DIS3L2: variants seen among roughly 807,000 people sequenced by gnomAD.
DIS3L2 encodes DIS3 like 3'-5' exoribonuclease 2.
DIS3L2 carries 34 observed loss-of-function variants against 97.5 expected under a neutral mutation model. The ratio of observed to expected loss-of-function variants is 0.35; its 90% CI spans 0.27 to 0.46. The LOEUF (loss-of-function observed/expected upper bound fraction) is 0.46. DIS3L2 is among the 20% of genes least tolerant of loss of function. The probability of loss-of-function intolerance (pLI) is 1.00; values close to 1 mark genes in which losing one functional copy is unlikely to be tolerated. For missense variants in DIS3L2, 1,038 were observed against 1,146.0 expected (o/e 0.91, Z 1.36); for synonymous variants, 435 against 445.2 (o/e 0.98, Z 0.29).
At chr2:232,081,306 C>G (rs1696386053) in intron 5 of DIS3L2, among the ~76,000 whole-genome samples, 1 of 152,082 alleles carries the variant, frequency 6.6e-6, no homozygotes, top group Non-Finnish European at 1.5e-5. Flanking sequence ...AAACTCTGGT[C>G]CACCCATTAT....
chr2:232,291,059 G>A (rs913015161), intron 13 of DIS3L2, among the ~76,000 whole-genome samples: 2 of 152,156 alleles, frequency 1.3e-5, no homozygotes, highest in East Asian at 3.8e-4. Flanking sequence ...GGGGTGGGGA[G>A]GAAAATCCTG....
chr2:232,010,540 A>C (rs1212798887), intron 1 of DIS3L2, among the ~76,000 whole-genome samples: 2 of 151,396 alleles, frequency 1.3e-5, no homozygotes, highest in Non-Finnish European at 2.9e-5. Context: ...TTTCTTAATC[A>C]ATAGTCATCT....
chr2:232,305,223 G>A (rs1006172444), intron 14 of DIS3L2, among the ~76,000 whole-genome samples: 20 of 151,924 alleles, frequency 1.3e-4, no homozygotes, highest in African/African-American at 4.1e-4. Context: ...TTACAGGCGC[G>A]CACCACCACG....
intron 9 of DIS3L2, among the ~76,000 whole-genome samples, chr2:232,177,362 A>G (rs1404555205): frequency 6.9e-5 from 9 of 130,848 alleles, no homozygotes; most frequent in African/African-American, 2.1e-4. Context: ...TTCTAGTTCT[A>G]GATCCCTGAG....
At chr2:231,988,810 T>C (rs1574790070) in intron 1 of DIS3L2, among the ~76,000 whole-genome samples, 1 of 152,214 alleles carries the variant, frequency 6.6e-6, no homozygotes, top group South Asian at 2.1e-4. Context: ...TTGAAAAAAA[T>C]AAATAACTAA....
At chr2:232,004,064 A>G (rs571237701) in intron 1 of DIS3L2, among the ~76,000 whole-genome samples, 17 of 149,484 alleles carry the variant, frequency 1.1e-4, no homozygotes, top group Admixed American at 2.0e-4. Flanking sequence ...TGGGAAATCA[A>G]TTCCCCTTAT....
intron 9 of DIS3L2, among the ~76,000 whole-genome samples, chr2:232,187,911 C>T (rs1010255284): frequency 1.6e-4 from 25 of 151,890 alleles, no homozygotes; most frequent in Non-Finnish European, 3.2e-4. Flanking sequence ...CTGAGGCAGG[C>T]GGATCACTTC....
chr2:232,026,573 G>C (rs990654993), intron 4 of DIS3L2, among the ~76,000 whole-genome samples: 3 of 152,054 alleles, frequency 2.0e-5, no homozygotes, highest in Non-Finnish European at 2.9e-5. Flanking sequence ...GGAAGTGCCT[G>C]TATATGTCCT....
At chr2:232,040,812 T>A (rs747365240) in intron 5 of DIS3L2, among the ~76,000 whole-genome samples, 1 of 152,082 alleles carries the variant, frequency 6.6e-6, no homozygotes, top group African/African-American at 2.4e-5. Flanking sequence ...AACTAAGGAG[T>A]AACAGAGTGG....
At chr2:232,087,385 G>GT (rs1486620236) in intron 5 of DIS3L2, 102 bp from the exon 6 acceptor site, 1 of 823,426 alleles carries the variant, frequency 1.2e-6, no homozygotes, top group Non-Finnish European at 1.9e-6. Flanking sequence ...GTCCAATACC[G>GT]TTAGCTTCTG....
At chr2:232,242,837 A>T (rs1253584429) in intron 11 of DIS3L2, among the ~76,000 whole-genome samples, 1 of 152,192 alleles carries the variant, frequency 6.6e-6, no homozygotes, top group Non-Finnish European at 1.5e-5. Context: ...GCCCCAAAGC[A>T]TGCTTAAGAG....
intron 6 of DIS3L2, 46 bp downstream of exon 6, chr2:232,087,767 T>A (rs1201595869): frequency 7.0e-7 from 1 of 1,419,690 alleles, no homozygotes; most frequent in Non-Finnish European, 9.8e-7. Context: ...GTACACTGAT[T>A]AAGTATTGGA....
At chr2:232,334,203 G>A (rs1695864313) in intron 17 of DIS3L2, among the ~76,000 whole-genome samples, 166 bp from the exon 18 acceptor site, 1 of 152,198 alleles carries the variant, frequency 6.6e-6, no homozygotes, top group African/African-American at 2.4e-5. Flanking sequence ...GACACAGCCG[G>A]GAGGAGGGCG....
intron 10 of DIS3L2, among the ~76,000 whole-genome samples, chr2:232,212,971 GGA>G (rs1328930439): frequency 6.6e-6 from 1 of 152,132 alleles, no homozygotes; most frequent in Non-Finnish European, 1.5e-5. Flanking sequence ...AGCTGGTTTG[GGA>G]GAGAGTATGT....
Position 232,007,537 on chromosome 2 carries a change from A to G in DIS3L2, c.-93-7298A>G, listed in dbSNP as rs181158101. Among the ~76,000 whole-genome samples the G allele has an allele frequency of 5.3e-5, 8 of 152,190 alleles. No homozygotes were observed. The East Asian group carries it at 1.2e-3, about 22-fold the overall frequency. On this transcript the variant is annotated intron_variant, in intron 1 of 20. Transcript: ENST00000325385. ...TTTTTTGTAGAGACAGGGTCTTGCT[A>G]TGTTGCCCAGGCTGGTCTTGTGAAC...
At chr2:232,212,927 A>C (rs1458661927) in intron 10 of DIS3L2, among the ~76,000 whole-genome samples, 2 of 152,166 alleles carry the variant, frequency 1.3e-5, no homozygotes, top group African/African-American at 2.4e-5. Context: ...TGGGAGATGG[A>C]ACCCATAAGT....
chr2:232,167,579 C>T (rs1490738634), intron 9 of DIS3L2, among the ~76,000 whole-genome samples: 1 of 152,184 alleles, frequency 6.6e-6, no homozygotes, highest in African/African-American at 2.4e-5. Context: ...AATCCTAATA[C>T]TCATTTCTCA....
chr2:232,217,904 C>T (rs947284532), intron 10 of DIS3L2, among the ~76,000 whole-genome samples: 4 of 152,118 alleles, frequency 2.6e-5, no homozygotes, highest in African/African-American at 9.7e-5. Context: ...TGTGATTGGG[C>T]AAAAAGCGTT....
At chr2:232,185,139 G>A (rs898570724) in intron 9 of DIS3L2, among the ~76,000 whole-genome samples, 2 of 152,266 alleles carry the variant, frequency 1.3e-5, no homozygotes, top group Middle Eastern at 3.4e-3. Flanking sequence ...CTCAGTACAT[G>A]GCATCCAGAC....
Sources: gnomAD v4.1 joint callset for allele counts (sites outside exome capture counted in the v4.1 genomes callset) on GRCh38, gnomAD v4.1.1 for gene constraint, MANE v1.5 for transcripts, NCBI Gene and HGNC (gene_info 2026-07-23, HGNC 2026-07-21) for gene names.